Variants in MDGA1 observed in about 807,000 individuals in gnomAD.
MDGA1 encodes MAM domain-containing glycosylphosphatidylinositol anchor protein 1.
MDGA1 carries 54 observed loss-of-function variants against 101.5 expected under a neutral mutation model. The ratio of observed to expected loss-of-function variants is 0.53; its 90% CI spans 0.43 to 0.67. MDGA1 has a LOEUF of 0.67. Ranked by LOEUF, MDGA1 falls within the 30% of genes least tolerant of loss-of-function variation. The pLI, the probability that MDGA1 is intolerant of heterozygous loss-of-function variation, is 0.00. For missense variants in MDGA1, 1,083 were observed against 1,323.8 expected (o/e 0.82, Z 2.82); for synonymous variants, 533 against 558.3 (o/e 0.95, Z 0.64).
At position 37,655,239 on chromosome 6, in the gene MDGA1, C is replaced by T. The variant is rs982684069; in HGVS notation, c.580-307G>A. 17 of 437,918 alleles carry T rather than the reference C, an allele frequency of 3.9e-5. No individual in the cohort carries two copies. The Admixed American group carries it at 6.4e-4, about 16-fold the overall frequency. The allele number at this position is 437,918 out of a possible 1,614,324, so 27.1% of individuals were successfully genotyped here. A position where few individuals can be genotyped will look rare whatever the true frequency, so the allele number is the denominator to read the frequency against. On this transcript the variant is annotated intron_variant, in intron 4 of 16. Transcript: ENST00000434837. The surrounding 1 kb of genome is among the most constrained non-coding windows in gnomAD (Gnocchi z 5.1). ...CGGAGGGGTAAGAAGGGAACTTACT[C>T]GTACAACCCACACAAACATGGGGCT...
chr6:37,648,749 G>C, intron 9 of MDGA1: 1 of 710,652 alleles, frequency 1.4e-6, no homozygotes, highest in Non-Finnish European at 2.2e-6. Flanking sequence ...GAGGGGCGTG[G>C]CCCGCACCTG....
rs189542684 is a variant in MDGA1 at position 37,633,912 on chromosome 6, T to G, written c.*3456A>C. ...CCCCTTCCCCACTCTGGGCTTCAGC[T>G]TCTTCATCTGCACGAGGGGATCAAA... On this transcript the variant is annotated 3_prime_UTR_variant, in exon 17 of 17. Coordinates refer to ENST00000434837, the MANE Select transcript of MDGA1 (RefSeq NM_153487.4). The G allele has an allele frequency of 2.0e-5, 3 of 152,656 alleles. No homozygotes were observed. The East Asian group carries it at 5.8e-4, about 29-fold the overall frequency. The allele number at this position is 152,656 out of a possible 1,614,324, so 9.5% of individuals were successfully genotyped here.
intron 14 of MDGA1, among the ~76,000 whole-genome samples, chr6:37,640,578 A>G (rs925341220): frequency 6.6e-6 from 1 of 151,974 alleles, no homozygotes; most frequent in Non-Finnish European, 1.5e-5. Flanking sequence ...TGGCCTCCAA[A>G]AGCACTGGGA....
intron 14 of MDGA1, among the ~76,000 whole-genome samples, chr6:37,642,360 C>G (rs528013551): frequency 6.6e-6 from 1 of 151,744 alleles, no homozygotes; most frequent in Non-Finnish European, 1.5e-5. Context: ...TTAGTAGAGA[C>G]GAGGTTTCGC....
At position 37,652,391 on chromosome 6, in the gene MDGA1, G is replaced by A; in HGVS notation, c.983-51C>T. 1 of 1,446,108 alleles carries A rather than the reference G, an allele frequency of 6.9e-7. No individual in the cohort carries two copies. Among genetic ancestry groups the A allele is most frequent in the African/African-American group, 1.4e-5 (1 of 71,416 alleles). The allele number at this position is 1,446,108 out of a possible 1,614,324, so 89.6% of individuals were successfully genotyped here. ...TAGTTGGGGTTGGCCTGACTCCAGG[G>A]GTCCATGTCCCACCCCAACCCAGAC... is the stretch of plus-strand genomic sequence containing the variant. On this transcript the variant is annotated intron_variant, in intron 6 of 16. Coordinates refer to ENST00000434837, the MANE Select transcript of MDGA1 (RefSeq NM_153487.4). This position sits in a 1 kb window ranked among gnomAD's most constrained non-coding sequence, Gnocchi z 4.3.
chr6:37,665,584 T>C (rs899089311), intron 1 of MDGA1, among the ~76,000 whole-genome samples: 8 of 152,182 alleles, frequency 5.3e-5, no homozygotes, highest in African/African-American at 1.9e-4. Flanking sequence ...TTGCCGACCA[T>C]CTACTGCCAG....
Position 37,638,595 on chromosome 6 carries a change from T to C in MDGA1, c.2609A>G (p.Asn870Ser). The C allele has an allele frequency of 6.2e-7, 1 of 1,613,996 alleles. No individual in the cohort carries two copies. Among genetic ancestry groups the C allele is most frequent in the South Asian group, 1.1e-5 (1 of 91,090 alleles). ...GGCCTGCTGCCACACATTGCCCTTATTGCCACTGAGAGACCAGGCGTGCGT... is the reference window on the plus strand; with the variant it reads ...GGCCTGCTGCCACACATTGCCCTTACTGCCACTGAGAGACCAGGCGTGCGT... ...LDTHAWSLSGNKGNVWQQAHV... is the reference protein window; with the variant it reads ...LDTHAWSLSGSKGNVWQQAHV... The change falls in exon 15 of 17, where the codon AAT (asparagine) becomes AGT (serine). Residue 870 changes from asparagine (N) to serine (S), a missense_variant. Physicochemically the swap from Asn to Ser is conservative, Grantham distance 46 (BLOSUM62 1). Transcript: ENST00000434837. This position sits in a 1 kb window ranked among gnomAD's most constrained non-coding sequence, Gnocchi z 4.8.
At chr6:37,694,666 T>C (rs201808051) in intron 1 of MDGA1, among the ~76,000 whole-genome samples, 2,133 of 30,182 alleles carry the variant, frequency 0.071, 20 homozygotes, top group Middle Eastern at 0.14. Context: ...CCTCCTGTCA[T>C]CCTCCTCCTC....
intron 6 of MDGA1, among the ~76,000 whole-genome samples, chr6:37,653,403 T>G (rs1189937564): frequency 2.0e-5 from 3 of 152,278 alleles, no homozygotes; most frequent in Middle Eastern, 6.8e-3. Flanking sequence ...AGAAACTGAC[T>G]GGTCAGTGAG....
chr6:37,679,437 CA>C (rs1762047515), intron 1 of MDGA1, among the ~76,000 whole-genome samples: 1 of 152,132 alleles, frequency 6.6e-6, no homozygotes, highest in African/African-American at 2.4e-5. Context: ...CACCTGTCTC[CA>C]AGCCCTGTAC....
rs559791065 is a variant in MDGA1 at position 37,691,993 on chromosome 6, G to A, written c.67+4752C>T. Among the ~76,000 whole-genome samples, 20 of 152,326 alleles carry A rather than the reference G, an allele frequency of 1.3e-4. No individual in the cohort carries two copies. In the South Asian group the frequency reaches 3.9e-3, roughly 30 times the overall value. On this transcript the variant is annotated intron_variant, in intron 1 of 16. Transcript: ENST00000434837. ...ATTCATCTGAGATTACAGCAAGTGC[G>A]GCTTTGGCTACGGGCAGGTGCCTAG... is the stretch of plus-strand genomic sequence containing the variant.
In MDGA1 at chr6:37,649,098, T is replaced by TCGG. The variant is rs749222829; in HGVS notation, c.1775_1777dup (p.Ala592dup). 15 of 1,523,152 alleles carry TCGG rather than the reference T, an allele frequency of 9.8e-6. No homozygotes were observed. Among genetic ancestry groups the TCGG allele is most frequent in the East Asian group, 5.1e-5 (2 of 39,236 alleles). The allele number at this position is 1,523,152 out of a possible 1,614,324, so 94.4% of individuals were successfully genotyped here. A position where few individuals can be genotyped will look rare whatever the true frequency, so the allele number is the denominator to read the frequency against. On this transcript the variant is annotated inframe_insertion, in exon 9 of 17. Coordinates refer to ENST00000434837, the MANE Select transcript of MDGA1 (RefSeq NM_153487.4). ...GCGCAGCTCCGCGTGATCCGGCGCC[T>TCGG]CGGCGGCGGCGGGAACAACAGGCGG...
chr6:37,653,314 C>T (rs1331419960), intron 6 of MDGA1, among the ~76,000 whole-genome samples: 1 of 152,232 alleles, frequency 6.6e-6, no homozygotes, highest in Non-Finnish European at 1.5e-5. Flanking sequence ...TCATTAGTCA[C>T]AGTTTTAAAC....
chr6:37,661,722 T>C (rs375890244), intron 2 of MDGA1, among the ~76,000 whole-genome samples: 2 of 151,920 alleles, frequency 1.3e-5, no homozygotes, highest in Non-Finnish European at 2.9e-5. Context: ...GGAGGCCAGA[T>C]TGTAGAAGGT....
At chr6:37,658,750 C>T (rs1228659557) in intron 2 of MDGA1, among the ~76,000 whole-genome samples, 1 of 152,178 alleles carries the variant, frequency 6.6e-6, no homozygotes, top group Non-Finnish European at 1.5e-5. Flanking sequence ...GCGGGCGGAT[C>T]ACCTGAGCTC....
chr6:37,691,761 C>T (rs1762312997), intron 1 of MDGA1, among the ~76,000 whole-genome samples: 1 of 152,216 alleles, frequency 6.6e-6, no homozygotes, highest in Non-Finnish European at 1.5e-5. Context: ...GTACATAGTA[C>T]CTTCTAGCAG....
chr6:37,693,215 G>T (rs1205678584), intron 1 of MDGA1, among the ~76,000 whole-genome samples: 1 of 152,164 alleles, frequency 6.6e-6, no homozygotes, highest in Non-Finnish European at 1.5e-5. Context: ...AAGGCATGGG[G>T]TAGGAACTCC....
chr6:37,664,842 G>GACAGAC (rs1215330966), intron 1 of MDGA1, among the ~76,000 whole-genome samples: 27 of 55,258 alleles, frequency 4.9e-4, no homozygotes, highest in Non-Finnish European at 6.1e-4. Flanking sequence ...CCTAACCTAA[G>GACAGAC]ACACACACAC....
At chr6:37,682,130 C>T (rs1024221777) in intron 1 of MDGA1, among the ~76,000 whole-genome samples, 6 of 152,242 alleles carry the variant, frequency 3.9e-5, no homozygotes, top group Admixed American at 6.5e-5. Flanking sequence ...CTGGCAGATA[C>T]AGCAGGGCCA....
Sources: allele counts gnomAD v4.1 joint callset (sites outside exome capture counted in the v4.1 genomes callset), GRCh38; gene constraint gnomAD v4.1.1; non-coding constraint Gnocchi (gnomAD v3.1); transcripts MANE v1.5; gene names NCBI Gene and HGNC (gene_info 2026-07-23, HGNC 2026-07-21).